Variants in ALK observed in about 807,000 individuals in gnomAD.
The protein encoded by ALK is ALK tyrosine kinase receptor.
In ALK, 74 loss-of-function variants were observed where a neutral mutation model predicts 163.1. That is an observed-to-expected ratio of 0.45 (90% CI 0.38 to 0.55). The LOEUF is 0.55. Ranked by LOEUF, ALK falls within the 20% of genes least tolerant of loss-of-function variation. ALK has a pLI of 0.00. For missense variants in ALK, 2,063 were observed against 2,105.3 expected (o/e 0.98, Z 0.39); for synonymous variants, 960 against 843.2 (o/e 1.14, Z -2.40).
intron 1 of ALK, chr2:29,891,071 T>G (rs914002927): frequency 6.6e-6 from 1 of 152,172 alleles, no homozygotes; most frequent in East Asian, 1.9e-4. Context: ...TTGTGAGGAT[T>G]AAAAGAGACA....
At chr2:29,743,046 AG>A (rs1452015680) in intron 1 of ALK, among the ~76,000 whole-genome samples, 1 of 152,218 alleles carries the variant, frequency 6.6e-6, no homozygotes, top group Non-Finnish European at 1.5e-5. Flanking sequence ...CAATCTCAGC[AG>A]CCTTAAACAG....
At position 29,512,899 on chromosome 2, in the gene ALK, T is replaced by C. The variant is rs1573417453; in HGVS notation, c.1154+19016A>G. On this transcript the variant is annotated intron_variant, in intron 4 of 28. Coordinates refer to ENST00000389048, the MANE Select transcript of ALK (RefSeq NM_004304.5). ...ATCATGAGTGAACTCCCATTCACAA[T>C]TGCTTCAAAGAGAATAAAAATACCT... 3.6e-5 allele frequency among the ~76,000 whole-genome samples: 5 copies of C among 139,246 alleles called. No homozygotes were observed. The East Asian group carries it at 1.1e-3, about 30-fold the overall frequency. The allele number at this position is 139,246 out of a possible 152,430, so 91.4% of individuals were successfully genotyped here.
intron 1 of ALK, among the ~76,000 whole-genome samples, chr2:29,759,380 G>A (rs577613554): frequency 6.6e-6 from 1 of 152,298 alleles, no homozygotes; most frequent in East Asian, 1.9e-4. Context: ...AGGTACTAAG[G>A]AAGTTTGAGA....
At chr2:29,574,692 G>A (rs937116251) in intron 3 of ALK, among the ~76,000 whole-genome samples, 3 of 152,238 alleles carry the variant, frequency 2.0e-5, no homozygotes, top group African/African-American at 7.2e-5. Context: ...CTTGCTTTGA[G>A]GCAGGGCCTC....
chr2:29,615,369 C>T (rs969331189), intron 3 of ALK, among the ~76,000 whole-genome samples: 2 of 152,174 alleles, frequency 1.3e-5, no homozygotes, highest in African/African-American at 2.4e-5. Flanking sequence ...GAGTCACATT[C>T]CAGCTCCACC....
intron 5 of ALK, among the ~76,000 whole-genome samples, chr2:29,372,616 C>CT (rs147132579): frequency 0.016 from 2,364 of 152,264 alleles, 62 homozygotes; most frequent in African/African-American, 0.055. Flanking sequence ...ATAGGTGTCA[C>CT]TGTCTTCATT....
intron 5 of ALK, among the ~76,000 whole-genome samples, chr2:29,334,109 C>G (rs1215000546): frequency 1.3e-5 from 2 of 152,192 alleles, no homozygotes; most frequent in African/African-American, 4.8e-5. Context: ...CTAGATCTCA[C>G]CACCTCATCT....
chr2:29,376,120 TA>T (rs974016544), intron 5 of ALK, among the ~76,000 whole-genome samples: 5 of 148,222 alleles, frequency 3.4e-5, no homozygotes, highest in African/African-American at 1.2e-4. Context: ...CAACCCCCCA[TA>T]AACTTCTCCC....
chr2:29,477,064 T>C (rs1671543716), intron 4 of ALK, among the ~76,000 whole-genome samples: 1 of 152,042 alleles, frequency 6.6e-6, no homozygotes, highest in Admixed American at 6.5e-5. Context: ...ACACCCAGGC[T>C]AGAAAGGCTG....
chr2:29,593,826 A>G (rs1321459981), intron 3 of ALK, among the ~76,000 whole-genome samples: 1 of 152,234 alleles, frequency 6.6e-6, no homozygotes, highest in Admixed American at 6.5e-5. Flanking sequence ...TCTATAGTCA[A>G]TGCTGTGAGT....
chr2:29,744,950 C>T (rs988002467), intron 1 of ALK, among the ~76,000 whole-genome samples: 3 of 152,066 alleles, frequency 2.0e-5, no homozygotes, highest in Admixed American at 1.3e-4. Context: ...GAAGGGAATT[C>T]GACTCTATTT....
intron 1 of ALK, among the ~76,000 whole-genome samples, chr2:29,813,400 G>A (rs35543991): frequency 0.29 from 44,783 of 152,022 alleles, 8,021 homozygotes; most frequent in Non-Finnish European, 0.4. Flanking sequence ...ACTAAGAATG[G>A]GGGTTTGAGG....
chr2:29,850,953 G>A (rs978823208), intron 1 of ALK, among the ~76,000 whole-genome samples: 10 of 152,162 alleles, frequency 6.6e-5, no homozygotes, highest in African/African-American at 1.9e-4. Context: ...CACCGGTGCC[G>A]GTGTGTGCGC....
At chr2:29,868,836 T>C (rs1296058973) in intron 1 of ALK, among the ~76,000 whole-genome samples, 2 of 123,274 alleles carry the variant, frequency 1.6e-5, no homozygotes, top group African/African-American at 6.2e-5. Flanking sequence ...GGCAGAGTTA[T>C]TCTACATAGC....
In ALK at chr2:29,193,316, A is replaced by G. The variant is rs1008766442; in HGVS notation, c.4771T>C (p.Leu1591=). The G allele has an allele frequency of 1.2e-6, 2 of 1,614,066 alleles. No homozygotes were observed. Residue 1591 remains leucine, a synonymous_variant, in exon 29 of 29, where the codon TTG becomes CTG. Coordinates refer to ENST00000389048, the MANE Select transcript of ALK (RefSeq NM_004304.5). ...NVNYGYQQQG[L]PLEAATAPGA... is the part of the protein sequence containing the mutation. ...GGGGCAGTAGCGGCTTCTAAGGGCA[A>G]GCCCTGTTGCTGGTAGCCGTAATTG...
chr2:29,674,324 C>T (rs941223363), intron 3 of ALK, among the ~76,000 whole-genome samples: 3 of 151,702 alleles, frequency 2.0e-5, no homozygotes, highest in Non-Finnish European at 4.4e-5. Context: ...TCATAGATAG[C>T]TCTTATTATT....
chr2:29,891,209 T>C (rs1002429495), intron 1 of ALK, among the ~76,000 whole-genome samples: 1 of 152,170 alleles, frequency 6.6e-6, no homozygotes, highest in Admixed American at 6.5e-5. Flanking sequence ...ACCTGTAACA[T>C]CACAGTATTA....
intron 3 of ALK, among the ~76,000 whole-genome samples, chr2:29,556,530 G>C (rs1176386972): frequency 6.6e-6 from 1 of 152,198 alleles, no homozygotes; most frequent in African/African-American, 2.4e-5. Context: ...CAAGGTTGTA[G>C]TCTCTATATA....
At chr2:29,552,663 T>C (rs1673745750) in intron 3 of ALK, among the ~76,000 whole-genome samples, 1 of 152,236 alleles carries the variant, frequency 6.6e-6, no homozygotes, top group Non-Finnish European at 1.5e-5. Flanking sequence ...CCTGGAGAAA[T>C]GTCTACTCAA....
Sources: gnomAD v4.1 joint callset for allele counts (sites outside exome capture counted in the v4.1 genomes callset) on GRCh38, gnomAD v4.1.1 for gene constraint, MANE v1.5 for transcripts, NCBI Gene and HGNC (gene_info 2026-07-23, HGNC 2026-07-21) for gene names.